Variants in FUBP1 observed in about 807,000 individuals in gnomAD.
The protein encoded by FUBP1 is far upstream element-binding protein 1.
FUBP1 carries 16 observed loss-of-function variants against 94.9 expected under a neutral mutation model. The observed-to-expected ratio is 0.17, with a 90% CI of 0.11 to 0.26. The LOEUF (loss-of-function observed/expected upper bound fraction) is 0.26, where lower values mean the gene tolerates loss of function less well. Among genes scored for constraint, FUBP1 ranks in the 10% least tolerant of loss-of-function variants. The pLI, the probability that FUBP1 is intolerant of heterozygous loss-of-function variation, is 1.00. For missense variants in FUBP1, 583 were observed against 808.6 expected, an observed-to-expected ratio of 0.72 and a Z score of 3.38; for synonymous variants, 279 against 254.9, an observed-to-expected ratio of 1.09 and a Z score of -0.90.
chr1:77,950,545 C>T (rs112049669), intron 18 of FUBP1, among the ~76,000 whole-genome samples: 2 of 152,204 alleles, frequency 1.3e-5, no homozygotes, highest in East Asian at 1.9e-4. Context: ...AAAGCGCATA[C>T]AGCAAACTTT....
At chr1:77,969,649 C>T (rs938078667) in intron 2 of FUBP1, among the ~76,000 whole-genome samples, 5 of 151,948 alleles carry the variant, frequency 3.3e-5, no homozygotes, top group African/African-American at 7.2e-5. Context: ...GACGTCTGTG[C>T]AAACTTTCAA....
chr1:77,969,803 C>A, intron 2 of FUBP1, 122 bp downstream of exon 2: 1 of 472,716 alleles, frequency 2.1e-6, no homozygotes, highest in Non-Finnish European at 3.8e-6. Context: ...CAATATACAG[C>A]TTACAATTTT....
chr1:77,967,052 A>G lies in FUBP1; in HGVS notation c.340T>C (p.Phe114Leu). The G allele has an allele frequency of 6.3e-7, 1 of 1,578,152 alleles. No homozygotes were observed. The highest frequency in any genetic ancestry group is 8.7e-7 in the Non-Finnish European group (1 of 1,149,024). The change falls in exon 5 of 20, where the codon TTC becomes CTC. Residue 114 changes from phenylalanine to leucine, a missense_variant. By Grantham distance (22) the Phe-to-Leu change is conservative (BLOSUM62 0). Transcript: ENST00000370768. ...EYKVPDGMVG[F>L]IIGRGGEQIS... ...CTTTAAAAATCAAGTTACTTACTGAATCCAACCATTCCATCTGGAACTTTG... is the reference window on the plus strand; with the variant it reads ...CTTTAAAAATCAAGTTACTTACTGAGTCCAACCATTCCATCTGGAACTTTG...
intron 4 of FUBP1, 99 bp from the exon 5 acceptor site, chr1:77,967,200 C>A: frequency 1.3e-6 from 1 of 744,786 alleles, no homozygotes; most frequent in Non-Finnish European, 2.2e-6. Flanking sequence ...TAATGTCTCC[C>A]AATGGCTTAA....
At chr1:77,949,021 T>C (rs1226279113) in intron 19 of FUBP1, 134 bp downstream of exon 19, 27 of 952,810 alleles carry the variant, frequency 2.8e-5, no homozygotes, top group Non-Finnish European at 3.9e-5. Context: ...CAATACACCG[T>C]AGTACTTCAT....
At chr1:77,966,788 A>G (rs2102418480) in intron 6 of FUBP1, 37 bp from the exon 7 acceptor site, 1 of 1,404,636 alleles carries the variant, frequency 7.1e-7, no homozygotes, top group Non-Finnish European at 1.0e-6. Context: ...TCAGGTCAAA[A>G]GATTAAAAGT....
At chr1:77,963,770 A>G in intron 12 of FUBP1, 55 bp from the exon 13 acceptor site, 3 of 1,449,320 alleles carry the variant, frequency 2.1e-6, no homozygotes, top group Non-Finnish European at 2.8e-6. Context: ...CTTTTGTTTC[A>G]TGATAAAATT....
chr1:77,947,526 T>C lies in FUBP1; in HGVS notation c.*1240A>G, dbSNP rs965766918. 7.4e-7 allele frequency: 1 copy of C among 1,352,644 alleles called. No homozygotes were observed. Among genetic ancestry groups the C allele is most frequent in the Non-Finnish European group, 9.7e-7 (1 of 1,026,670 alleles). The allele number at this position is 1,352,644 out of a possible 1,614,324, so 83.8% of individuals were successfully genotyped here. A position where few individuals can be genotyped will look rare whatever the true frequency, so the allele number is the denominator to read the frequency against. On this transcript the variant is annotated 3_prime_UTR_variant, in exon 20 of 20. Coordinates refer to ENST00000370768, the MANE Select transcript of FUBP1 (RefSeq NM_003902.5). ...GTCCTCCTCACCCCTACAGAGCTAG[T>C]TCTATACTGGCTGGATCAAACCTGC... is the stretch of plus-strand genomic sequence containing the variant.
chr1:77,976,482 C>G (rs1658614615), intron 1 of FUBP1, among the ~76,000 whole-genome samples: 1 of 151,860 alleles, frequency 6.6e-6, no homozygotes, highest in Non-Finnish European at 1.5e-5. Context: ...TATGGCTTAG[C>G]CTAATAATAA....
At chr1:77,963,374 G>GT (rs1479493744) in intron 13 of FUBP1, among the ~76,000 whole-genome samples, 200 bp downstream of exon 13, 2 of 152,194 alleles carry the variant, frequency 1.3e-5, no homozygotes, top group South Asian at 2.1e-4. Flanking sequence ...CTAGAAGCTA[G>GT]TAAGATTAAA....
Position 77,946,100 on chromosome 1 carries a change from A to G in FUBP1, c.*2666T>C, listed in dbSNP as rs927622472. Among the ~76,000 whole-genome samples the G allele has an allele frequency of 6.6e-6, 1 of 152,004 alleles. No individual in the cohort carries two copies. Among genetic ancestry groups the G allele is most frequent in the African/African-American group, 2.4e-5 (1 of 41,452 alleles). On this transcript the variant is annotated 3_prime_UTR_variant, in exon 20 of 20. Transcript: ENST00000370768. ...AGAATAAGAAAAAAATAAAGAAATTATAATTTTGGAGGGCAAAGAAATTTT... is the reference window on the plus strand; with the variant it reads ...AGAATAAGAAAAAAATAAAGAAATTGTAATTTTGGAGGGCAAAGAAATTTT...
At chr1:77,976,495 T>A (rs1658617100) in intron 1 of FUBP1, among the ~76,000 whole-genome samples, 10 of 150,844 alleles carry the variant, frequency 6.6e-5, no homozygotes, top group Admixed American at 6.6e-4. Flanking sequence ...AATAATAAAA[T>A]CCAATTTTTT....
rs1031420243 is a variant in FUBP1, at chr1:77,946,837, A to G, written c.*1929T>C. 1 of 204,132 alleles carries G rather than the reference A, an allele frequency of 4.9e-6. No homozygotes were observed. The highest frequency in any genetic ancestry group is 2.3e-5 in the African/African-American group (1 of 43,724). 12.6% of individuals were successfully genotyped at this position (204,132 alleles called of 1,614,324 possible). On this transcript the variant is annotated 3_prime_UTR_variant, in exon 20 of 20. Transcript: ENST00000370768. ...CTCCTTAACTATTAAACTTCATACT[A>G]GAACTATATATGCAGATCTAAATAA...
At position 77,966,923 on chromosome 1, in the gene FUBP1, T is replaced by G. The variant is rs772038048; in HGVS notation, c.376A>C (p.Ile126Leu). 3.7e-6 allele frequency: 6 copies of G among 1,607,622 alleles called. No individual in the cohort carries two copies. In the South Asian group the frequency reaches 4.4e-5, roughly 12 times the overall value. ...IGRGGEQISR[I>L]QQESGCKIQI... is the part of the protein sequence containing the mutation. ...ATTTTGCATCCAGATTCCTGTTGTA[T>G]GCGTGAGATCTGTTCACCTCCTCTG... Residue 126 changes from isoleucine to leucine, a missense_variant, in exon 6 of 20, where the codon ATA (isoleucine) becomes CTA (leucine). Transcript: ENST00000370768.
At chr1:77,953,397 C>A (rs60234511) in intron 18 of FUBP1, among the ~76,000 whole-genome samples, 44,511 of 151,742 alleles carry the variant, frequency 0.29, 7,905 homozygotes, top group African/African-American at 0.51. Context: ...AGTATGAGGC[C>A]GGAGAATCGC....
Position 77,947,677 on chromosome 1 carries a change from G to A in FUBP1, c.*1089C>T. On this transcript the variant is annotated 3_prime_UTR_variant, in exon 20 of 20. Transcript: ENST00000370768. ...CAACAAAATATCAGAACTTCAGCAT[G>A]AGTGTTAAAGAGTAATAAAATGACT... 3 of 612,994 alleles carry A rather than the reference G, an allele frequency of 4.9e-6. No individual in the cohort carries two copies. The highest frequency in any genetic ancestry group is 4.2e-5 in the East Asian group (1 of 23,760). 38.0% of individuals were successfully genotyped at this position (612,994 alleles called of 1,614,324 possible). A position where few individuals can be genotyped will look rare whatever the true frequency, so the allele number is the denominator to read the frequency against.
chr1:77,957,820 AT>A (rs962006263), intron 16 of FUBP1, among the ~76,000 whole-genome samples: 2,805 of 137,100 alleles, frequency 0.02, 55 homozygotes, highest in African/African-American at 0.059. Context: ...CATTATCTGT[AT>A]TTTTTTTTTT....
chr1:77,965,979 T>G (rs965579627), intron 7 of FUBP1, among the ~76,000 whole-genome samples: 2 of 152,172 alleles, frequency 1.3e-5, no homozygotes, highest in Non-Finnish European at 2.9e-5. Context: ...ATCGTGCCCC[T>G]GCACTCCAGC....
In FUBP1 at chr1:77,967,113, C is replaced by A; in HGVS notation, c.291-12G>T. The A allele has an allele frequency of 1.3e-6, 2 of 1,510,938 alleles. No homozygotes were observed. Among genetic ancestry groups the A allele is most frequent in the Non-Finnish European group, 1.8e-6 (2 of 1,101,516 alleles). The allele number at this position is 1,510,938 out of a possible 1,614,324, so 93.6% of individuals were successfully genotyped here. On this transcript the variant is annotated splice_polypyrimidine_tract_variant and intron_variant, in intron 4 of 19. Transcript: ENST00000370768. ...TCATTACAGATCTGCTAAGAAATAA[C>A]AGAAAGCACCATTTTCCTTCAATGA...
Sources: gnomAD v4.1 joint callset for allele counts (sites outside exome capture counted in the v4.1 genomes callset) on GRCh38, gnomAD v4.1.1 for gene constraint, MANE v1.5 for transcripts, NCBI Gene and HGNC (gene_info 2026-07-23, HGNC 2026-07-21) for gene names.